Variants in TTN observed in about 807,000 individuals in gnomAD.
The protein encoded by TTN is connectin.
TTN carries 1,525 observed loss-of-function variants against 3,223.0 expected under a neutral mutation model. That is an observed-to-expected ratio of 0.47 (90% CI 0.45 to 0.49). TTN has a LOEUF of 0.49. Among genes scored for constraint, TTN ranks in the 20% least tolerant of loss-of-function variants. The pLI is 0.00. For missense variants in TTN, 40,786 were observed against 43,424.0 expected (o/e 0.94, Z 5.40); for synonymous variants, 14,094 against 15,161.0 (o/e 0.93, Z 5.17).
rs1465535927 is a variant in TTN, at chr2:178,548,719, C to G, written c.92907G>C (p.Arg30969=). ...AGGAATCTGTTGTATGGATATCAGC[C>G]CGAAGGCTAAGGTTAGAGTCTGGTT... ...WSKPDSNLSL[R]ADIHTTDSFS... Residue 30969 remains arginine, a synonymous_variant, in exon 339 of 363, where the codon CGG becomes CGC. Coordinates refer to ENST00000589042, the MANE Select transcript of TTN (RefSeq NM_001267550.2). This position sits in a 1 kb window ranked among gnomAD's most constrained non-coding sequence, Gnocchi z 4.3. The G allele has an allele frequency of 1.2e-6, 2 of 1,613,662 alleles. No individual in the cohort carries two copies. The highest frequency in any genetic ancestry group is 1.7e-6 in the Non-Finnish European group (2 of 1,179,784).
rs767709742 is a variant in TTN at position 178,591,098 on chromosome 2, A to G, written c.60627T>C (p.Val20209=). 3 of 1,613,282 alleles carry G rather than the reference A, an allele frequency of 1.9e-6. No homozygotes were observed. In the Admixed American group the frequency reaches 5.0e-5, roughly 27 times the overall value. The stretch of plus-strand genomic sequence containing the variant: ...TGTCTTTCCTTGTATCTTGTTTCTC[A>G]ACAATATAATTTATCACAGGGCTTC... ...DGGSPVINYI[V]EKQDTRKDTW... Residue 20209 remains valine, a synonymous_variant, in exon 304 of 363, where the codon GTT becomes GTC. Transcript: ENST00000589042.
intron 10 of TTN, among the ~76,000 whole-genome samples, 199 bp from the exon 11 acceptor site, chr2:178,791,044 G>A (rs948515861): frequency 1.3e-5 from 2 of 152,088 alleles, no homozygotes; most frequent in Non-Finnish European, 2.9e-5. Flanking sequence ...GCCCACATGC[G>A]CCTTAGCAAA....
chr2:178,553,981 A>T lies in TTN; in HGVS notation c.89130T>A (p.Ala29710=), dbSNP rs1700328492. Residue 29710 remains alanine, a synonymous_variant, in exon 333 of 363, where the codon GCT becomes GCA. Coordinates refer to ENST00000589042, the MANE Select transcript of TTN (RefSeq NM_001267550.2). ...ATGGACCCTGTCCAGCAGCGTTTACAGCACAAACTCTGTATTGATAGTCAC... is the reference window on the plus strand; with the variant it reads ...ATGGACCCTGTCCAGCAGCGTTTACTGCACAAACTCTGTATTGATAGTCAC... The part of the protein sequence containing the change: ...ENSDYQYRVC[A]VNAAGQGPFS... 2 of 1,612,646 alleles carry T rather than the reference A, an allele frequency of 1.2e-6. No homozygotes were observed. The highest frequency in any genetic ancestry group is 2.7e-5 in the African/African-American group (2 of 75,016).
At chr2:178,772,613 C>T (rs1293490218) in intron 33 of TTN, among the ~76,000 whole-genome samples, 1 of 152,030 alleles carries the variant, frequency 6.6e-6, no homozygotes, top group Non-Finnish European at 1.5e-5. Context: ...ATAAAAGGCA[C>T]AAAGGCTAAA....
rs369868913 is a variant in TTN at position 178,564,515 on chromosome 2, A to G, written c.81617T>C (p.Ile27206Thr). The G allele has an allele frequency of 1.2e-5, 20 of 1,612,642 alleles. No individual in the cohort carries two copies. Among genetic ancestry groups the G allele is most frequent in the Admixed American group, 3.3e-5 (2 of 59,856 alleles). Residue 27206 changes from isoleucine to threonine, a missense_variant, in exon 326 of 363, where the codon ATT (isoleucine) becomes ACT (threonine). By Grantham distance (89) the Ile-to-Thr change is moderately conservative. Transcript: ENST00000589042. Reference protein sequence around the residue: ...YDGGSKITGYIVEKKDLPDGR... With the variant: ...YDGGSKITGYTVEKKDLPDGR... ...ATCAGGTAGATCTTTCTTTTCTACAATATAACCTGTTATTTTGCTACCACC... is the reference window on the plus strand; with the variant it reads ...ATCAGGTAGATCTTTCTTTTCTACAGTATAACCTGTTATTTTGCTACCACC...
At position 178,764,597 on chromosome 2, in the gene TTN, C is replaced by G; in HGVS notation, c.9918G>C (p.Ala3306=). The G allele has an allele frequency of 6.2e-7, 1 of 1,614,054 alleles. No homozygotes were observed. Among genetic ancestry groups the G allele is most frequent in the Non-Finnish European group, 8.5e-7 (1 of 1,180,008 alleles). Residue 3306 remains alanine (A), a synonymous_variant, in exon 42 of 363, where the codon GCG becomes GCC. Coordinates refer to ENST00000589042, the MANE Select transcript of TTN (RefSeq NM_001267550.2). ...LLLIEAFPED[A]AVYTCEAKND... ...TCTTGGCTTCACAGGTATAGACTGC[C>G]GCATCCTCTGGGAAGGCTTCAATTA...
chr2:178,789,390 T>C lies in TTN; in HGVS notation c.2046A>G (p.Arg682=). 6.2e-7 allele frequency: 1 copy of C among 1,613,496 alleles called. No individual in the cohort carries two copies. The highest frequency in any genetic ancestry group is 1.1e-5 in the South Asian group (1 of 91,074). Residue 682 remains arginine (R), a synonymous_variant, in exon 13 of 363, where the codon AGA becomes AGG. Transcript: ENST00000589042. Reference sequence around the variant, plus strand: ...CATGGGTAACTTGGATTTGTTCTTGTCTAGTAGCCATAGTTTCTCTAGTTC... The same window carrying C: ...CATGGGTAACTTGGATTTGTTCTTGCCTAGTAGCCATAGTTTCTCTAGTTC... ...ILRTRETMAT[R]QEQIQVTHGK... is the part of the protein sequence containing the mutation.
rs767695320 is a variant in TTN, at chr2:178,727,250, T to C, written c.20115A>G (p.Glu6705=). 1.2e-6 allele frequency: 2 copies of C among 1,613,282 alleles called. No homozygotes were observed. Among genetic ancestry groups the C allele is most frequent in the South Asian group, 1.1e-5 (1 of 91,046 alleles). The change falls in exon 69 of 363, where the codon GAA becomes GAG. Residue 6705 remains glutamate, a synonymous_variant. Coordinates refer to ENST00000589042, the MANE Select transcript of TTN (RefSeq NM_001267550.2). ...PEIRVVWFRN[E]HELPASDKYR... Reference sequence around the variant, plus strand: ...ACTTATCACTGGCTGGAAGTTCATGTTCATTTCGGAACCACACAACTCTGA... The same window carrying C: ...ACTTATCACTGGCTGGAAGTTCATGCTCATTTCGGAACCACACAACTCTGA...
intron 125 of TTN, 130 bp downstream of exon 125, chr2:178,688,921 CAA>C (rs2071578108): frequency 1.7e-6 from 2 of 1,192,884 alleles, no homozygotes; most frequent in Admixed American, 2.2e-5. Context: ...GACATAAACA[CAA>C]AAGTTTCACT....
rs752346827 is a variant in TTN, at chr2:178,579,641, T to TGTG, written c.67555_67556insCAC (p.Tyr22519delinsSerHis). ...ATTCTCAGCACTCACTCTGAAGGTATATTCCTTCCCTTCAGTCAAATCTTT... is the reference window on the plus strand; with the variant it reads ...ATTCTCAGCACTCACTCTGAAGGTATGTGATTCCTTCCCTTCAGTCAAATCTTT... On this transcript the variant is annotated protein_altering_variant, in exon 319 of 363. Coordinates refer to ENST00000589042, the MANE Select transcript of TTN (RefSeq NM_001267550.2). 5.6e-6 allele frequency: 9 copies of TGTG among 1,613,350 alleles called. No individual in the cohort carries two copies. The highest frequency in any genetic ancestry group is 6.8e-6 in the Non-Finnish European group (8 of 1,179,474).
chr2:178,590,159 C>G lies in TTN; in HGVS notation c.61566G>C (p.Arg20522Ser), dbSNP rs576946726. 4 of 1,612,876 alleles carry G rather than the reference C, an allele frequency of 2.5e-6. No individual in the cohort carries two copies. In the East Asian group the frequency reaches 8.9e-5, roughly 36 times the overall value. Residue 20522 changes from arginine to serine, a missense_variant, in exon 304 of 363, where the codon AGG becomes AGC. By Grantham distance (110) the Arg-to-Ser change is moderately radical. Transcript: ENST00000589042. ...KEGKVLVREK[R>S]VDLIQDLPRV... ...GAGGTAGATCCTGAATAAGGTCCAC[C>G]CTCTTTTCTCGGACCAATACTTTGC...
At position 178,565,333 on chromosome 2, in the gene TTN, G is replaced by T. The variant is rs3813247; in HGVS notation, c.80799C>A (p.Thr26933=). 0.023 allele frequency: 36,713 copies of T among 1,613,562 alleles called. 521 individuals are homozygous for T. Among genetic ancestry groups the T allele is most frequent in the East Asian group, 0.062 (2,794 of 44,832 alleles). The change falls in exon 326 of 363, where the codon ACC becomes ACA. Residue 26933 remains threonine, a synonymous_variant. Coordinates refer to ENST00000589042, the MANE Select transcript of TTN (RefSeq NM_001267550.2). The stretch of plus-strand genomic sequence containing the variant: ...CTTCTTTAATGTGCAAAACAGTTGA[G>T]GTAGCTGTTTCTTCAACGTTTACTC... ...TTRVNVEETA[T]STVLHIKEGN... is the part of the protein sequence containing the mutation.
chr2:178,602,585 G>C lies in TTN; in HGVS notation c.54817C>G (p.Pro18273Ala). The C allele has an allele frequency of 6.7e-7, 1 of 1,501,096 alleles. No individual in the cohort carries two copies. Among genetic ancestry groups the C allele is most frequent in the Non-Finnish European group, 8.9e-7 (1 of 1,127,752 alleles). 93.0% of individuals were successfully genotyped at this position (1,501,096 alleles called of 1,614,324 possible). Residue 18273 changes from proline to alanine, a missense_variant, in exon 283 of 363, where the codon CCG becomes GCG. Physicochemically the swap from Pro to Ala is conservative, Grantham distance 27. Coordinates refer to ENST00000589042, the MANE Select transcript of TTN (RefSeq NM_001267550.2). ...ACTTCTGGGCAAGAAGGTGGCCCCG[G>C]TGGAACTAATAACAAAAGAAAAAAA... is the stretch of plus-strand genomic sequence containing the variant. The part of the protein sequence containing the change: ...PEVAGDPIFP[P>A]GPPSCPEVKD...
chr2:178,540,477 G>T, intron 350 of TTN, 107 bp from the exon 351 acceptor site: 1 of 966,938 alleles, frequency 1.0e-6, no homozygotes, highest in Non-Finnish European at 1.5e-6. Flanking sequence ...GTTAACATTA[G>T]CCTGTTTTTT....
intron 98 of TTN, 145 bp downstream of exon 98, chr2:178,710,490 A>G: frequency 9.9e-7 from 1 of 1,007,750 alleles, no homozygotes; most frequent in Non-Finnish European, 1.4e-6. Context: ...CTTCTTCTCT[A>G]GATAAACTTA....
Position 178,669,683 on chromosome 2 carries a change from G to T in TTN, c.35387-8C>A, listed in dbSNP as rs1413242799. 2.5e-6 allele frequency: 4 copies of T among 1,610,258 alleles called. No individual in the cohort carries two copies. Among genetic ancestry groups the T allele is most frequent in the East Asian group, 2.2e-5 (1 of 44,800 alleles). On this transcript the variant is annotated splice_polypyrimidine_tract_variant and splice_region_variant and intron_variant, in intron 157 of 362. Transcript: ENST00000589042. ...TCTTGGGTACTTCGGGTGCTTTAAA[G>T]ATATTTATTTATCTTATTTTTTCAG... is the stretch of plus-strand genomic sequence containing the variant.
chr2:178,763,790 G>A (rs12693167), intron 43 of TTN, among the ~76,000 whole-genome samples: 23,837 of 152,020 alleles, frequency 0.16, 2,251 homozygotes, highest in East Asian at 0.45. Flanking sequence ...TTATATAAAT[G>A]TATTATTCTT....
At position 178,676,175 on chromosome 2, in the gene TTN, C is replaced by T. The variant is rs2068044956; in HGVS notation, c.34379-180G>A. 3.2e-5 allele frequency: 18 copies of T among 570,454 alleles called. No individual in the cohort carries two copies. In the South Asian group the frequency reaches 3.5e-4, roughly 11 times the overall value. The allele number at this position is 570,454 out of a possible 1,614,324, so 35.3% of individuals were successfully genotyped here. A position where few individuals can be genotyped will look rare whatever the true frequency, so the allele number is the denominator to read the frequency against. On this transcript the variant is annotated intron_variant, in intron 147 of 362. Transcript: ENST00000589042. ...GATTTGTAAAGCAAGGGACCAGCAG[C>T]ATATGTCATTATCAGAGGACAGATG...
At position 178,614,680 on chromosome 2, in the gene TTN, A is replaced by T; in HGVS notation, c.48834T>A (p.Leu16278=). 6.2e-7 allele frequency: 1 copy of T among 1,612,286 alleles called. No homozygotes were observed. The highest frequency in any genetic ancestry group is 8.5e-7 in the Non-Finnish European group (1 of 1,179,058). The change falls in exon 261 of 363, where the codon CTT becomes CTA. Residue 16278 remains leucine, a synonymous_variant. Coordinates refer to ENST00000589042, the MANE Select transcript of TTN (RefSeq NM_001267550.2). ...LTVKAGTKIE[L]PATVTGKPEP... ...CAGGTTTTCCGGTTACGGTGGCAGGAAGTTCAATCTTGGTCCCAGCTTTTA... is the reference window on the plus strand; with the variant it reads ...CAGGTTTTCCGGTTACGGTGGCAGGTAGTTCAATCTTGGTCCCAGCTTTTA...
Sources: gnomAD v4.1 joint callset for allele counts (sites outside exome capture counted in the v4.1 genomes callset) on GRCh38, gnomAD v4.1.1 for gene constraint, Gnocchi (gnomAD v3.1) non-coding constraint, MANE v1.5 for transcripts, NCBI Gene and HGNC (gene_info 2026-07-23, HGNC 2026-07-21) for gene names.